The following CCDC102B variants were observed in gnomAD, a reference collection of about 807,000 sequenced individuals.
CCDC102B encodes the protein coiled-coil domain-containing protein 102B.
A neutral mutation model predicts 57.4 loss-of-function variants in CCDC102B; 75 were observed. The observed-to-expected ratio is 1.31, with a 90% CI of 1.08 to 1.58. The LOEUF (loss-of-function observed/expected upper bound fraction) is 1.58, where lower values mean the gene tolerates loss of function less well. Ranked by LOEUF, CCDC102B falls within the 40% of genes most tolerant of loss-of-function variation. The probability of loss-of-function intolerance (pLI) is 0.00; values close to 1 mark genes in which losing one functional copy is unlikely to be tolerated. For synonymous variants in CCDC102B, 206 were observed against 201.9 expected, an observed-to-expected ratio of 1.02 and a Z score of -0.17; for missense variants, 636 against 582.6, an observed-to-expected ratio of 1.09 and a Z score of -0.94.
chr18:68,914,244 G>T (rs1465893978), intron 6 of CCDC102B, among the ~76,000 whole-genome samples: 1 of 152,136 alleles, frequency 6.6e-6, no homozygotes, highest in Non-Finnish European at 1.5e-5. Context: ...GTTTCCTCCA[G>T]TTACTCCTGT....
intron 2 of CCDC102B, among the ~76,000 whole-genome samples, chr18:68,757,458 G>T (rs557470129): frequency 1.3e-5 from 2 of 151,934 alleles, no homozygotes; most frequent in Non-Finnish European, 2.9e-5. Flanking sequence ...TAATTTTATT[G>T]GGTAAAACTA....
rs569475753 is a variant in CCDC102B, at chr18:68,917,461, C to T, written c.1263+20033C>T. Reference sequence around the variant, plus strand: ...TGAAATTAAGCTGCTAACTCTTCCTCCGTTATACTTAGCTAGTGTAGCTAA... The same window carrying T: ...TGAAATTAAGCTGCTAACTCTTCCTTCGTTATACTTAGCTAGTGTAGCTAA... On this transcript the variant is annotated intron_variant, in intron 6 of 7. Coordinates refer to ENST00000360242, the MANE Select transcript of CCDC102B (RefSeq NM_024781.3). 5.9e-4 allele frequency among the ~76,000 whole-genome samples: 90 copies of T among 152,278 alleles called. 2 individuals carry two copies. In the South Asian group the frequency reaches 0.018, roughly 31 times the overall value.
At chr18:68,906,694 T>C (rs1337125812) in intron 6 of CCDC102B, among the ~76,000 whole-genome samples, 1 of 152,194 alleles carries the variant, frequency 6.6e-6, no homozygotes, top group Admixed American at 6.5e-5. Flanking sequence ...AGTTGTATTT[T>C]TGTTGGAGAA....
intron 1 of CCDC102B, among the ~76,000 whole-genome samples, chr18:68,808,633 A>G (rs537134907): frequency 4.0e-5 from 6 of 151,436 alleles, no homozygotes; most frequent in African/African-American, 9.7e-5. Flanking sequence ...GCCCGCCACC[A>G]CGCCCGGATA....
exon 1 of CCDC102B, chr18:68,715,284 A>G: frequency 1.6e-6 from 2 of 1,258,500 alleles, no homozygotes; most frequent in Non-Finnish European, 2.0e-6. Flanking sequence ...TAAGGGCTTT[A>G]CTAGGGAAAA....
chr18:68,991,171 A>G (rs1028462418), intron 6 of CCDC102B, among the ~76,000 whole-genome samples: 1 of 132,478 alleles, frequency 7.5e-6, no homozygotes, highest in East Asian at 2.2e-4. Context: ...TTGTTTGGAC[A>G]TTGGGTCTGT....
chr18:68,941,588 T>C (rs12968514), intron 6 of CCDC102B, among the ~76,000 whole-genome samples: 84,962 of 151,942 alleles, frequency 0.56, 26,277 homozygotes, highest in Non-Finnish European at 0.68. Flanking sequence ...TAAATGAACG[T>C]CAATGTGATA....
chr18:68,751,484 A>AAAAT (rs1224953564), intron 2 of CCDC102B, among the ~76,000 whole-genome samples: 1 of 152,150 alleles, frequency 6.6e-6, no homozygotes, highest in Non-Finnish European at 1.5e-5. Context: ...AAAAAGCACA[A>AAAAT]AAATGCACAA....
chr18:69,003,322 G>T (rs1241593608), intron 6 of CCDC102B, among the ~76,000 whole-genome samples: 1 of 151,978 alleles, frequency 6.6e-6, no homozygotes, highest in Non-Finnish European at 1.5e-5. Context: ...ATTCTTATGT[G>T]CAATGTTTTT....
At chr18:68,825,204 C>T (rs2036860913) in intron 1 of CCDC102B, among the ~76,000 whole-genome samples, 1 of 152,094 alleles carries the variant, frequency 6.6e-6, no homozygotes. Context: ...ACTGATGAAA[C>T]TGACATGCTT....
rs1463800049 is a variant in CCDC102B at position 68,998,993 on chromosome 18, TATATATAGAGAGAGAGAGAG to T, written c.1264-11939_1264-11920del. ...ATATATATATATATATATATATATA[TATATATAGAGAGAGAGAGAG>T]AGAGAGAGAGAGAGAGAGAGAGAGT... On this transcript the variant is annotated intron_variant, in intron 6 of 7. Transcript: ENST00000360242. Among the ~76,000 whole-genome samples the T allele has an allele frequency of 5.5e-3, 302 of 54,602 alleles. 1 individual carries two copies. Among genetic ancestry groups the T allele is most frequent in the Middle Eastern group, 0.033 (3 of 92 alleles). The allele number at this position is 54,602 out of a possible 152,430, so 35.8% of individuals were successfully genotyped here. A position where few individuals can be genotyped will look rare whatever the true frequency, so the allele number is the denominator to read the frequency against.
At chr18:68,834,844 AAGTT>A (rs1238395429) in intron 1 of CCDC102B, among the ~76,000 whole-genome samples, 1 of 151,952 alleles carries the variant, frequency 6.6e-6, no homozygotes, top group African/African-American at 2.4e-5. Context: ...CTTATTTTGT[AAGTT>A]AGTTAAAGTA....
intron 6 of CCDC102B, among the ~76,000 whole-genome samples, chr18:68,964,438 G>A (rs1186821761): frequency 6.7e-6 from 1 of 148,926 alleles, no homozygotes; most frequent in Non-Finnish European, 1.5e-5. Context: ...TTCTTTGGAT[G>A]AAAAGGTTTT....
chr18:68,830,763 C>T (rs1367576218), intron 1 of CCDC102B, among the ~76,000 whole-genome samples: 1 of 151,746 alleles, frequency 6.6e-6, no homozygotes, highest in Non-Finnish European at 1.5e-5. Flanking sequence ...TAGAGCAGAG[C>T]TTTCTTGAAC....
At chr18:68,918,316 TC>T (rs1273668028) in intron 6 of CCDC102B, among the ~76,000 whole-genome samples, 2 of 152,202 alleles carry the variant, frequency 1.3e-5, no homozygotes, top group South Asian at 2.1e-4. Flanking sequence ...TTCCCTGACT[TC>T]CGCTTTAACA....
At chr18:68,744,622 G>A (rs1442514846) in intron 2 of CCDC102B, among the ~76,000 whole-genome samples, 1 of 152,054 alleles carries the variant, frequency 6.6e-6, no homozygotes, top group Non-Finnish European at 1.5e-5. Context: ...CATCAGTTGA[G>A]GTCTCATACC....
chr18:68,966,022 C>T lies in CCDC102B; in HGVS notation c.1264-44912C>T, dbSNP rs116351346. 3.3e-3 allele frequency among the ~76,000 whole-genome samples: 509 copies of T among 152,238 alleles called. 1 individual carries two copies. The highest frequency in any genetic ancestry group is 0.011 in the African/African-American group (476 of 41,554). On this transcript the variant is annotated intron_variant, in intron 6 of 7. Transcript: ENST00000360242. ...CTAGGCTTCTTGTAATGCAATCCTG[C>T]TGAGAGGTCGAGGTAGGTTTATTGT...
chr18:68,901,229 G>A lies in CCDC102B; in HGVS notation c.1263+3801G>A, dbSNP rs564288874. On this transcript the variant is annotated intron_variant, in intron 6 of 7. Coordinates refer to ENST00000360242, the MANE Select transcript of CCDC102B (RefSeq NM_024781.3). ...GAGTACATCAACAAACACATGGGGA[G>A]TGTTATTCTAGACTAGGGATGGACA... 5.9e-5 allele frequency among the ~76,000 whole-genome samples: 9 copies of A among 152,280 alleles called. No individual in the cohort carries two copies. The East Asian group carries it at 1.7e-3, about 29-fold the overall frequency.
intron 1 of CCDC102B, among the ~76,000 whole-genome samples, chr18:68,830,789 A>G (rs1163661651): frequency 6.6e-6 from 1 of 151,892 alleles, no homozygotes; most frequent in African/African-American, 2.4e-5. Flanking sequence ...TGGCATCCCA[A>G]GTACTTCATA....
Sources: allele counts gnomAD v4.1 joint callset (sites outside exome capture counted in the v4.1 genomes callset), GRCh38; gene constraint gnomAD v4.1.1; transcripts MANE v1.5; gene names NCBI Gene and HGNC (gene_info 2026-07-23, HGNC 2026-07-21).